Variants in SOX6 observed in about 807,000 individuals in gnomAD.
The protein encoded by SOX6 is transcription factor SOX-6.
In SOX6, 11 loss-of-function variants were observed where a neutral mutation model predicts 97.8. The ratio of observed to expected loss-of-function variants is 0.11; its 90% CI spans 0.07 to 0.19. The LOEUF is 0.19. SOX6 is among the 10% of genes least tolerant of loss of function. The probability of loss-of-function intolerance (pLI) is 1.00; values close to 1 mark genes in which losing one functional copy is unlikely to be tolerated. For missense variants in SOX6, 810 were observed against 1,039.5 expected, an observed-to-expected ratio of 0.78 and a Z score of 3.04; for synonymous variants, 360 against 371.4, an observed-to-expected ratio of 0.97 and a Z score of 0.35.
intron 6 of SOX6, among the ~76,000 whole-genome samples, chr11:16,132,479 A>AG (rs1849836893): frequency 6.8e-6 from 1 of 147,582 alleles, no homozygotes; most frequent in Non-Finnish European, 1.5e-5. Flanking sequence ...AAAGAAAGAA[A>AG]GAAAGAAAGA....
chr11:15,986,075 G>T, intron 15 of SOX6, 129 bp downstream of exon 15: 1 of 909,062 alleles, frequency 1.1e-6, no homozygotes, highest in Non-Finnish European at 1.8e-6. Context: ...GATTCTCATG[G>T]CCAAGCCCCT....
At chr11:16,307,956 G>A (rs1269228317) in intron 3 of SOX6, among the ~76,000 whole-genome samples, 1 of 152,104 alleles carries the variant, frequency 6.6e-6, no homozygotes, top group Non-Finnish European at 1.5e-5. Context: ...ACTTCATTGT[G>A]AGAGTACTTG....
chr11:16,204,504 T>C (rs1365960822), intron 4 of SOX6, among the ~76,000 whole-genome samples: 1 of 151,980 alleles, frequency 6.6e-6, no homozygotes, highest in Admixed American at 6.6e-5. Context: ...TCAACAATTG[T>C]TACAAAGGTC....
At chr11:16,170,862 A>G (rs1851020360) in intron 6 of SOX6, among the ~76,000 whole-genome samples, 1 of 151,940 alleles carries the variant, frequency 6.6e-6, no homozygotes, top group South Asian at 2.1e-4. Flanking sequence ...TCAATCCTAT[A>G]CTGTCCCCTG....
chr11:16,117,416 T>C (rs1849377115), intron 6 of SOX6, among the ~76,000 whole-genome samples: 1 of 152,102 alleles, frequency 6.6e-6, no homozygotes, highest in African/African-American at 2.4e-5. Context: ...CGAGGGTCTA[T>C]CAATATTTCT....
At chr11:16,138,550 T>G (rs1045413637) in intron 6 of SOX6, among the ~76,000 whole-genome samples, 2 of 152,012 alleles carry the variant, frequency 1.3e-5, no homozygotes, top group African/African-American at 2.4e-5. Flanking sequence ...TTTATTTTTT[T>G]TATTTTATTA....
intron 2 of SOX6, among the ~76,000 whole-genome samples, chr11:16,330,715 C>T (rs1158512533): frequency 6.6e-6 from 1 of 152,008 alleles, no homozygotes; most frequent in Non-Finnish European, 1.5e-5. Context: ...ATTGGCTATC[C>T]CAATTTTAAC....
At chr11:16,713,547 T>C (rs574774356) in intron 3 of SOX6, among the ~76,000 whole-genome samples, 13 of 152,316 alleles carry the variant, frequency 8.5e-5, no homozygotes, top group Admixed American at 2.6e-4. Context: ...CCTAAAAATT[T>C]AAGTTTTCCT....
chr11:16,159,713 C>T lies in SOX6; in HGVS notation c.777+24173G>A, dbSNP rs1170851640. 4.6e-5 allele frequency among the ~76,000 whole-genome samples: 7 copies of T among 152,130 alleles called. No individual in the cohort carries two copies. The South Asian group carries it at 8.3e-4, about 18-fold the overall frequency. ...AATGTAATAAAGTTTGTAACATACA[C>T]ATTTACTAATAAAATAGTCTCCATT... On this transcript the variant is annotated intron_variant, in intron 6 of 15. Coordinates refer to ENST00000683767, the MANE Select transcript of SOX6 (RefSeq NM_001367873.1).
intron 3 of SOX6, among the ~76,000 whole-genome samples, chr11:16,308,943 T>C (rs995227837): frequency 2.0e-5 from 3 of 152,202 alleles, no homozygotes; most frequent in Admixed American, 2.0e-4. Context: ...GCTGAGCTTC[T>C]GAAAAGCTCA....
chr11:16,226,316 G>GT lies in SOX6; in HGVS notation c.535+8265dup, dbSNP rs1028176114. Among the ~76,000 whole-genome samples, 118 of 51,462 alleles carry GT rather than the reference G, an allele frequency of 2.3e-3. 2 individuals are homozygous for GT. The highest frequency in any genetic ancestry group is 0.014 in the Admixed American group (59 of 4,102). 33.8% of individuals were successfully genotyped at this position (51,462 alleles called of 152,430 possible). On this transcript the variant is annotated intron_variant, in intron 4 of 15. Coordinates refer to ENST00000683767, the MANE Select transcript of SOX6 (RefSeq NM_001367873.1). ...TATTTGGTTGCTATCACATAATTGT[G>GT]TTTTTTTTGTTTTTGTTTTTGTTTT...
At chr11:16,021,081 A>C (rs1855045153) in intron 12 of SOX6, among the ~76,000 whole-genome samples, 1 of 152,178 alleles carries the variant, frequency 6.6e-6, no homozygotes, top group South Asian at 2.1e-4. Flanking sequence ...TGATTATATA[A>C]TTTAATGTGA....
intron 15 of SOX6, among the ~76,000 whole-genome samples, chr11:15,980,563 T>A (rs1483557428): frequency 6.6e-6 from 1 of 152,046 alleles, no homozygotes; most frequent in Admixed American, 6.6e-5. Flanking sequence ...GCTTCCAAAA[T>A]CTTCCTCCAC....
At chr11:16,503,248 C>A (rs1325490882) in intron 4 of SOX6, among the ~76,000 whole-genome samples, 1 of 149,738 alleles carries the variant, frequency 6.7e-6, no homozygotes. Context: ...ACAACATCTA[C>A]CACCATGAAA....
chr11:16,481,805 A>G (rs931398638), intron 4 of SOX6, among the ~76,000 whole-genome samples: 2 of 152,192 alleles, frequency 1.3e-5, no homozygotes, highest in African/African-American at 4.8e-5. Flanking sequence ...ATTGAGGGTC[A>G]CAAAGAGCTA....
At chr11:16,690,608 C>T (rs1176555265) in intron 3 of SOX6, among the ~76,000 whole-genome samples, 1 of 152,130 alleles carries the variant, frequency 6.6e-6, no homozygotes, top group African/African-American at 2.4e-5. Context: ...GAAAATTGTA[C>T]TTTTTTAAAA....
chr11:16,103,593 C>T (rs1849003219), intron 7 of SOX6, among the ~76,000 whole-genome samples: 1 of 151,838 alleles, frequency 6.6e-6, no homozygotes, highest in Admixed American at 6.6e-5. Flanking sequence ...GCACAATTTG[C>T]AGTTGCAAAA....
chr11:16,060,195 T>A (rs769507715), intron 9 of SOX6, among the ~76,000 whole-genome samples: 1 of 151,946 alleles, frequency 6.6e-6, no homozygotes, highest in Non-Finnish European at 1.5e-5. Flanking sequence ...TATGAATCCT[T>A]CAAATTGAGT....
chr11:16,129,713 T>C (rs913921104), intron 6 of SOX6, among the ~76,000 whole-genome samples: 1 of 152,146 alleles, frequency 6.6e-6, no homozygotes, highest in Non-Finnish European at 1.5e-5. Flanking sequence ...GTCATTTCAA[T>C]AGGTGCAGAG....
Sources: gnomAD v4.1 joint callset for allele counts (sites outside exome capture counted in the v4.1 genomes callset) on GRCh38, gnomAD v4.1.1 for gene constraint, MANE v1.5 for transcripts, NCBI Gene and HGNC (gene_info 2026-07-23, HGNC 2026-07-21) for gene names.